MYBPC2: variants seen among roughly 807,000 people sequenced by gnomAD.
The protein encoded by MYBPC2 is myosin-binding protein C, fast-type.
A neutral mutation model predicts 137.0 loss-of-function variants in MYBPC2; 122 were observed. The observed-to-expected ratio is 0.89, with a 90% CI of 0.77 to 1.03. The LOEUF (loss-of-function observed/expected upper bound fraction) is 1.03. Ranked by LOEUF, MYBPC2 falls within the 50% of genes least tolerant of loss-of-function variation. The pLI, the probability that MYBPC2 is intolerant of heterozygous loss-of-function variation, is 0.00. For missense variants in MYBPC2, 1,500 were observed against 1,534.4 expected (o/e 0.98, Z 0.37); for synonymous variants, 626 against 612.3 (o/e 1.02, Z -0.33).
At position 50,452,016 on chromosome 19, in the gene MYBPC2, C is replaced by T. The variant is rs1568664403; in HGVS notation, c.1749+13C>T. The stretch of plus-strand genomic sequence containing the variant: ...GAAGGGAGATGAGGTGGGTTGGGGC[C>T]GCCCCTCTGTCCTCACTCCCTTTCC... On this transcript the variant is annotated intron_variant, in intron 16 of 27. Coordinates refer to ENST00000357701, the MANE Select transcript of MYBPC2 (RefSeq NM_004533.4). The T allele has an allele frequency of 6.4e-7, 1 of 1,551,566 alleles. No individual in the cohort carries two copies. The highest frequency in any genetic ancestry group is 8.7e-7 in the Non-Finnish European group (1 of 1,146,746).
intron 9 of MYBPC2, among the ~76,000 whole-genome samples, chr19:50,442,807 C>T (rs1382821168): frequency 1.3e-5 from 2 of 151,834 alleles, no homozygotes; most frequent in South Asian, 2.1e-4. Context: ...GACAGAGTTT[C>T]GCTCTTGTTG....
chr19:50,459,053 C>A (rs757750035), intron 22 of MYBPC2, 47 bp downstream of exon 22: 5 of 1,566,438 alleles, frequency 3.2e-6, no homozygotes, highest in East Asian at 2.4e-5. Flanking sequence ...TCGCCGCAAG[C>A]CCCCTTTTTG....
intron 11 of MYBPC2, among the ~76,000 whole-genome samples, chr19:50,444,491 C>T (rs1411444792): frequency 1.3e-5 from 2 of 152,186 alleles, no homozygotes; most frequent in East Asian, 3.8e-4. Context: ...TCCATTCATC[C>T]ATCTATGTAC....
chr19:50,459,275 G>A lies in MYBPC2; in HGVS notation c.2760G>A (p.Lys920=), dbSNP rs752045977. 1.6e-5 allele frequency: 25 copies of A among 1,609,252 alleles called. No homozygotes were observed. Among genetic ancestry groups the A allele is most frequent in the Non-Finnish European group, 2.1e-5 (25 of 1,178,404 alleles). The change falls in exon 23 of 28, where the codon AAG becomes AAA. Residue 920 remains lysine (K), a synonymous_variant. Transcript: ENST00000357701. The part of the protein sequence containing the change: ...YELSVQIENM[K]DTATIRIRVV... ...TGAGCGTGCAGATCGAGAACATGAA[G>A]GACACCGCCACCATCCGCATCCGCG...
rs1163449800 is a variant in MYBPC2 at position 50,458,524 on chromosome 19, G to GA, written c.2339-62dup. The GA allele has an allele frequency of 2.0e-5, 31 of 1,574,634 alleles. No homozygotes were observed. In the Middle Eastern group the frequency reaches 6.6e-4, roughly 34 times the overall value. ...CGCTGCGTGGGGCCCAAGTCCCCGG[G>GA]AGAAACGGGAGCGGAGGATGGGAGG... On this transcript the variant is annotated intron_variant, in intron 20 of 27. Transcript: ENST00000357701.
intron 1 of MYBPC2, among the ~76,000 whole-genome samples, chr19:50,433,349 TG>T (rs1335311378): frequency 6.6e-6 from 1 of 151,692 alleles, no homozygotes; most frequent in Non-Finnish European, 1.5e-5. Context: ...TTTTGCTTGA[TG>T]GGGATGGGGG....
intron 7 of MYBPC2, among the ~76,000 whole-genome samples, chr19:50,437,933 C>T (rs1287193470): frequency 6.6e-6 from 1 of 152,134 alleles, no homozygotes; most frequent in Admixed American, 6.5e-5. Flanking sequence ...CCCCTACCCA[C>T]AACCCCACCC....
In MYBPC2 at chr19:50,458,596, G is replaced by A; in HGVS notation, c.2348G>A (p.Trp783Ter). 1 of 1,612,012 alleles carries A rather than the reference G, an allele frequency of 6.2e-7. No homozygotes were observed. Among genetic ancestry groups the A allele is most frequent in the African/African-American group, 1.3e-5 (1 of 75,046 alleles). ...VEYCLEGSEE[W>*]VPANTEPVER... ...GGGCCTCTCTCTCCAGCCGAGGAAT[G>A]GGTCCCTGCCAACACCGAGCCCGTG... Residue 783 changes from tryptophan (W) to a stop codon, truncating the protein, a stop_gained, in exon 21 of 28, where the codon TGG (tryptophan) becomes TAG (stop). Coordinates refer to ENST00000357701, the MANE Select transcript of MYBPC2 (RefSeq NM_004533.4). LOFTEE classifies it high-confidence loss of function.
rs150065200 is a variant in MYBPC2, at chr19:50,461,710, A to G, written c.3091+9A>G. The G allele has an allele frequency of 1.2e-4, 197 of 1,611,882 alleles. No homozygotes were observed. In the African/African-American group the frequency reaches 2.3e-3, roughly 19 times the overall value. ...CCGCATCCTCAAGACAGGTACAGCC[A>G]TCCTGCCCCACAGCCCAGGCCCACC... On this transcript the variant is annotated intron_variant, in intron 25 of 27. Coordinates refer to ENST00000357701, the MANE Select transcript of MYBPC2 (RefSeq NM_004533.4).
At chr19:50,464,568 T>A in intron 27 of MYBPC2, 36 bp downstream of exon 27, 1 of 1,560,914 alleles carries the variant, frequency 6.4e-7, no homozygotes, top group Admixed American at 1.8e-5. Context: ...TGGCTGACCC[T>A]TGCTCGGGCC....
Position 50,463,476 on chromosome 19 carries a change from TTTGC to T in MYBPC2, c.3229-867_3229-864del, listed in dbSNP as rs569211560. Among the ~76,000 whole-genome samples, 224 of 152,332 alleles carry T rather than the reference TTTGC, an allele frequency of 1.5e-3. 1 individual carries two copies. The highest frequency in any genetic ancestry group is 5.2e-3 in the African/African-American group (217 of 41,574). ...TTACTCAGTTCATTCCTTCACTCCA[TTTGC>T]TTATTTACAGCACTGTTTCGTGCTC... On this transcript the variant is annotated intron_variant, in intron 26 of 27. Coordinates refer to ENST00000357701, the MANE Select transcript of MYBPC2 (RefSeq NM_004533.4).
Position 50,458,904 on chromosome 19 carries a change from G to T in MYBPC2, c.2507-14G>T, listed in dbSNP as rs1235880282. The T allele has an allele frequency of 6.2e-7, 1 of 1,607,836 alleles. No individual in the cohort carries two copies. The highest frequency in any genetic ancestry group is 8.5e-7 in the Non-Finnish European group (1 of 1,177,544). ...GCCCCCCGCTGAGCCCCCTCCCTGT[G>T]TTTGCGCCCTCAGAGCCACCCAAGA... is the stretch of plus-strand genomic sequence containing the variant. On this transcript the variant is annotated splice_polypyrimidine_tract_variant and intron_variant, in intron 21 of 27. Coordinates refer to ENST00000357701, the MANE Select transcript of MYBPC2 (RefSeq NM_004533.4).
chr19:50,448,242 C>CT lies in MYBPC2; in HGVS notation c.1325dup (p.Gln443AlafsTer22). On this transcript the variant is annotated frameshift_variant, in exon 13 of 28. Transcript: ENST00000357701. LOFTEE classifies it high-confidence loss of function. ...CTGACCAGAGAAACAGCTGGAGGTC[C>CT]TGCAGGACATCGCGGATCTGACGGT... The CT allele has an allele frequency of 6.2e-7, 1 of 1,613,618 alleles. No homozygotes were observed. Among genetic ancestry groups the CT allele is most frequent in the East Asian group, 2.2e-5 (1 of 44,874 alleles).
intron 20 of MYBPC2, among the ~76,000 whole-genome samples, chr19:50,456,455 CAG>C: frequency 8.0e-6 from 1 of 125,746 alleles, no homozygotes; most frequent in South Asian, 2.5e-4. Context: ...TTTTTTGAGA[CAG>C]AGTCTTGCTC....
chr19:50,433,009 C>A (rs372754411), intron 1 of MYBPC2, 37 bp downstream of exon 1: 5 of 1,557,676 alleles, frequency 3.2e-6, no homozygotes, highest in Non-Finnish European at 2.6e-6. Flanking sequence ...GGGGATGGGG[C>A]TCTTCTTTTC....
chr19:50,439,001 C>T (rs1236149740), intron 7 of MYBPC2, among the ~76,000 whole-genome samples: 1 of 152,160 alleles, frequency 6.6e-6, no homozygotes, highest in East Asian at 1.9e-4. Flanking sequence ...ATTCTGTCTG[C>T]AGCCAGCCAG....
At chr19:50,451,243 G>A (rs2039854146) in intron 14 of MYBPC2, 37 bp from the exon 15 acceptor site, 1 of 1,612,758 alleles carries the variant, frequency 6.2e-7, no homozygotes, top group Non-Finnish European at 8.5e-7. Context: ...GGCCTGCTGA[G>A]TTTAGACCTA....
At chr19:50,447,814 G>C (rs1272514708) in intron 12 of MYBPC2, among the ~76,000 whole-genome samples, 1 of 151,834 alleles carries the variant, frequency 6.6e-6, no homozygotes, top group African/African-American at 2.4e-5. Flanking sequence ...CCAAAATCAC[G>C]CCATTGCAGT....
rs1273686208 is a variant in MYBPC2 at position 50,461,553 on chromosome 19, C to T, written c.2943C>T (p.Asn981=). 4 of 1,613,374 alleles carry T rather than the reference C, an allele frequency of 2.5e-6. No homozygotes were observed. Among genetic ancestry groups the T allele is most frequent in the Admixed American group, 1.7e-5 (1 of 59,936 alleles). The change falls in exon 25 of 28, where the codon AAC becomes AAT. Residue 981 remains asparagine, a synonymous_variant. Coordinates refer to ENST00000357701, the MANE Select transcript of MYBPC2 (RefSeq NM_004533.4). ...KADKKTMEWF[N]VYERNRHTSC... ...TGTCCCCACACTAGGAGTGGTTCAA[C>T]GTCTATGAACGTAACAGGCACACTA... is the stretch of plus-strand genomic sequence containing the variant.
Sources: gnomAD v4.1 joint callset for allele counts (sites outside exome capture counted in the v4.1 genomes callset) on GRCh38, gnomAD v4.1.1 for gene constraint, MANE v1.5 for transcripts, NCBI Gene and HGNC (gene_info 2026-07-23, HGNC 2026-07-21) for gene names.